Variants in MEGF6 observed in about 807,000 individuals in gnomAD.
MEGF6 encodes the protein multiple EGF like domains 6, also known as multiple epidermal growth factor-like domains protein 6.
MEGF6 carries 184 observed loss-of-function variants against 207.1 expected under a neutral mutation model. The observed-to-expected ratio is 0.89, with a 90% confidence interval of 0.79 to 1.00. The LOEUF (loss-of-function observed/expected upper bound fraction) is 1.00, where lower values mean the gene tolerates loss of function less well. MEGF6 is among the 50% of genes least tolerant of loss of function. The pLI, the probability that MEGF6 is intolerant of heterozygous loss-of-function variation, is 0.00. For synonymous variants in MEGF6, 1,038 were observed against 910.0 expected (o/e 1.14, Z -2.53); for missense variants, 2,282 against 2,202.9 (o/e 1.04, Z -0.72).
intron 24 of MEGF6, 134 bp from the exon 25 acceptor site, chr1:3,498,960 A>G (rs1281941154): frequency 3.5e-6 from 5 of 1,418,174 alleles, no homozygotes; most frequent in Non-Finnish European, 4.7e-6. Context: ...ATGACCTGCC[A>G]GCCCAGCCTC....
intron 8 of MEGF6, among the ~76,000 whole-genome samples, 156 bp from the exon 9 acceptor site, chr1:3,511,843 A>G (rs1450321728): frequency 6.6e-6 from 1 of 151,796 alleles, no homozygotes; most frequent in Non-Finnish European, 1.5e-5. Flanking sequence ...TGGGTCTGGG[A>G]CCCCCTGCTC....
At chr1:3,567,085 T>A (rs1266820357) in intron 4 of MEGF6, among the ~76,000 whole-genome samples, 1 of 152,228 alleles carries the variant, frequency 6.6e-6, no homozygotes, top group Non-Finnish European at 1.5e-5. Flanking sequence ...TGCTGCCCTG[T>A]GGTGGCCAGA....
the MEGF6 span, among the ~76,000 whole-genome samples, chr1:3,617,761 C>T: frequency 5.3e-5 from 8 of 152,348 alleles, no homozygotes; most frequent in Admixed American, 2.0e-4. Context: ...CTCGGACAGG[C>T]GTCCTTGTAA....
At chr1:3,491,268 C>T (rs1476039211) in intron 35 of MEGF6, among the ~76,000 whole-genome samples, 2 of 152,144 alleles carry the variant, frequency 1.3e-5, no homozygotes, top group Non-Finnish European at 2.9e-5. Context: ...CTCCCCACGC[C>T]CAGCAACACA....
intron 4 of MEGF6, among the ~76,000 whole-genome samples, chr1:3,537,717 C>T (rs542022098): frequency 6.6e-6 from 1 of 152,356 alleles, no homozygotes; most frequent in South Asian, 2.1e-4. Flanking sequence ...GTCCTCTCAT[C>T]CCACCCCTGC....
At chr1:3,567,627 C>T (rs116321925) in intron 4 of MEGF6, among the ~76,000 whole-genome samples, 2,713 of 152,328 alleles carry the variant, frequency 0.018, 91 homozygotes, top group African/African-American at 0.061. Flanking sequence ...ACACGGCCAG[C>T]CTGGCCTAGC....
At chr1:3,611,526 T>A, upstream of MEGF6, 2 of 363,416 alleles carry the variant, frequency 5.5e-6, no homozygotes, top group Non-Finnish European at 4.8e-6. Context: ...ACTCAGAGCC[T>A]GGAAAGCCGC....
At chr1:3,553,485 A>G (rs1328565269) in intron 4 of MEGF6, among the ~76,000 whole-genome samples, 1 of 152,134 alleles carries the variant, frequency 6.6e-6, no homozygotes, top group East Asian at 1.9e-4. Flanking sequence ...GGCTGGAGCC[A>G]CGGGAGAGAG....
chr1:3,545,466 C>A (rs759935015), intron 4 of MEGF6, among the ~76,000 whole-genome samples: 2 of 152,176 alleles, frequency 1.3e-5, no homozygotes, highest in African/African-American at 4.8e-5. Context: ...CCAGCTCCAA[C>A]GTGTGGAGGT....
intron 29 of MEGF6, 135 bp from the exon 30 acceptor site, chr1:3,496,153 A>C: frequency 7.9e-7 from 1 of 1,266,904 alleles, no homozygotes; most frequent in Non-Finnish European, 1.0e-6. Context: ...GGGCCAGCCA[A>C]CTCTCATGCA....
intron 29 of MEGF6, 146 bp downstream of exon 29, chr1:3,496,509 C>T (rs1426331819): frequency 4.9e-6 from 6 of 1,217,990 alleles, no homozygotes; most frequent in African/African-American, 4.5e-5. Flanking sequence ...GCCCCTCTGG[C>T]TTAGCCCCAC....
At position 3,509,860 on chromosome 1, in the gene MEGF6, G is replaced by C; in HGVS notation, c.1357+10C>G. 1 of 1,549,426 alleles carries C rather than the reference G, an allele frequency of 6.5e-7. No homozygotes were observed. Among genetic ancestry groups the C allele is most frequent in the Non-Finnish European group, 8.7e-7 (1 of 1,147,856 alleles). On this transcript the variant is annotated intron_variant, in intron 11 of 36. Coordinates refer to ENST00000356575, the MANE Select transcript of MEGF6 (RefSeq NM_001409.4). Reference sequence around the variant, plus strand: ...AGAGGCCGGTGCTCCGCGGAGGGCGGGAGACTCACGGCTGCAGCCCCTACG... The same window carrying C: ...AGAGGCCGGTGCTCCGCGGAGGGCGCGAGACTCACGGCTGCAGCCCCTACG...
In MEGF6 at chr1:3,504,656, C is replaced by T. The variant is rs1345168344; in HGVS notation, c.2188+552G>A. On this transcript the variant is annotated intron_variant, in intron 17 of 36. Transcript: ENST00000356575. The stretch of plus-strand genomic sequence containing the variant: ...GGACTCCGCTGGTCCATCTCTCAGC[C>T]AGCTCCTAACAGCCTCCTCCCCTGC... Among the ~76,000 whole-genome samples the T allele has an allele frequency of 2.0e-5, 3 of 152,250 alleles. No individual in the cohort carries two copies. The East Asian group carries it at 5.8e-4, about 30-fold the overall frequency.
In MEGF6 at chr1:3,490,180, G is replaced by A. The variant is rs1417403814; in HGVS notation, c.*348C>T. 5 of 349,024 alleles carry A rather than the reference G, an allele frequency of 1.4e-5. No individual in the cohort carries two copies. The South Asian group carries it at 1.7e-4, about 12-fold the overall frequency. The allele number at this position is 349,024 out of a possible 1,614,324, so 21.6% of individuals were successfully genotyped here. On this transcript the variant is annotated 3_prime_UTR_variant, in exon 37 of 37. Transcript: ENST00000356575. The stretch of plus-strand genomic sequence containing the variant: ...CCTGGAGGACAGTGGCCCTGTGCCT[G>A]CACCTGCGCCTGCACCCACACTGGC...
intron 35 of MEGF6, among the ~76,000 whole-genome samples, chr1:3,492,140 C>T (rs1640399684): frequency 6.6e-6 from 1 of 152,138 alleles, no homozygotes; most frequent in Non-Finnish European, 1.5e-5. Context: ...GACTGGCACA[C>T]ACTGGGTGCC....
intron 4 of MEGF6, among the ~76,000 whole-genome samples, chr1:3,528,779 G>C (rs1344074013): frequency 6.6e-6 from 1 of 152,162 alleles, no homozygotes; most frequent in Non-Finnish European, 1.5e-5. Context: ...AAAGGGGCAA[G>C]AGACAGACTG....
chr1:3,501,799 C>T lies in MEGF6; in HGVS notation c.2311G>A (p.Ala771Thr). Reference sequence around the variant, plus strand: ...TGGGGCTGCGGCTGACACTCACCTGCCTCACAGTCTTCCCCAGTCCTCCCC... The same window carrying T: ...TGGGGCTGCGGCTGACACTCACCTGTCTCACAGTCTTCCCCAGTCCTCCCC... ...PPGRTGEDCE[A>T]DCPEGRWGLG... Residue 771 changes from alanine (A) to threonine (T), a missense_variant, in exon 18 of 37, where the codon GCA becomes ACA. Physicochemically the swap from Ala to Thr is moderately conservative, Grantham distance 58. Transcript: ENST00000356575. 1.2e-6 allele frequency: 2 copies of T among 1,610,310 alleles called. No homozygotes were observed. The highest frequency in any genetic ancestry group is 1.7e-6 in the Non-Finnish European group (2 of 1,178,848).
intron 2 of MEGF6, among the ~76,000 whole-genome samples, chr1:3,599,329 C>T (rs763021763): frequency 2.0e-5 from 3 of 152,222 alleles, no homozygotes; most frequent in Non-Finnish European, 4.4e-5. Flanking sequence ...GGAGGGTGAC[C>T]CTGCACCAGG....
chr1:3,573,069 G>A lies in MEGF6; in HGVS notation c.481+6756C>T, dbSNP rs1643553786. ...TGGGTGTGCTGGGTCCTCCCTGGTG[G>A]GCTGGGTTCCCTCAGGTGTGCTGGG... On this transcript the variant is annotated intron_variant, in intron 4 of 36. Transcript: ENST00000356575. This position sits in a 1 kb window ranked among gnomAD's most constrained non-coding sequence, Gnocchi z 5.1. Among the ~76,000 whole-genome samples the A allele has an allele frequency of 7.0e-6, 1 of 142,842 alleles. No homozygotes were observed. The highest frequency in any genetic ancestry group is 2.3e-4 in the South Asian group (1 of 4,358). 93.7% of individuals were successfully genotyped at this position (142,842 alleles called of 152,430 possible).
Sources: allele counts gnomAD v4.1 joint callset (sites outside exome capture counted in the v4.1 genomes callset), GRCh38; gene constraint gnomAD v4.1.1; non-coding constraint Gnocchi (gnomAD v3.1); transcripts MANE v1.5; gene names NCBI Gene and HGNC (gene_info 2026-07-23, HGNC 2026-07-21).